The following NPHP3 variants were observed in gnomAD, a reference collection of about 807,000 sequenced individuals.
NPHP3 encodes nephrocystin-3.
A neutral mutation model predicts 171.9 loss-of-function variants in NPHP3; 123 were observed. The observed-to-expected ratio is 0.72, with a 90% confidence interval of 0.62 to 0.83. The LOEUF (loss-of-function observed/expected upper bound fraction) is 0.83, where lower values mean the gene tolerates loss of function less well. Among genes scored for constraint, NPHP3 ranks in the 40% least tolerant of loss-of-function variants. NPHP3 has a pLI of 0.00. For missense variants in NPHP3, 1,506 were observed against 1,591.9 expected, an observed-to-expected ratio of 0.95 and a Z score of 0.92; for synonymous variants, 558 against 579.2, an observed-to-expected ratio of 0.96 and a Z score of 0.52.
rs564400464 is a variant in NPHP3 at position 132,698,836 on chromosome 3, C to T, written c.1985+517G>A. Among the ~76,000 whole-genome samples the T allele has an allele frequency of 5.9e-5, 9 of 152,166 alleles. No individual in the cohort carries two copies. In the South Asian group the frequency reaches 1.9e-3, roughly 32 times the overall value. ...AATTAATTTCTCAAGTCAGAAACTC[C>T]AGAATCATCCTGGCTCTTTCTTTTC... On this transcript the variant is annotated intron_variant, in intron 13 of 26. Transcript: ENST00000337331.
chr3:132,703,507 G>A (rs1939668598), intron 9 of NPHP3, among the ~76,000 whole-genome samples: 1 of 150,868 alleles, frequency 6.6e-6, no homozygotes, highest in African/African-American at 2.4e-5. Flanking sequence ...TTTTCTGAAT[G>A]TAATATTTTG....
chr3:132,715,280 A>G, intron 4 of NPHP3, 62 bp from the exon 5 acceptor site: 2 of 1,439,620 alleles, frequency 1.4e-6, no homozygotes, highest in Non-Finnish European at 2.0e-6. Context: ...TCATTCTAAA[A>G]AAGTTTTAAA....
In NPHP3 at chr3:132,681,951, CTGT is replaced by C. The variant is rs1229208147; in HGVS notation, c.3949_3951del (p.Thr1317del). The C allele has an allele frequency of 3.7e-6, 6 of 1,613,992 alleles. No individual in the cohort carries two copies. In the African/African-American group the frequency reaches 8.0e-5, roughly 22 times the overall value. ...TGAAGGAAAACATTAGGAGAATGAG[CTGT>C]TTTTAAGCTAAACGTGTCTCCACTT... On this transcript the variant is annotated inframe_deletion, in exon 27 of 27. Coordinates refer to ENST00000337331, the MANE Select transcript of NPHP3 (RefSeq NM_153240.5).
At chr3:132,710,346 TA>T (rs78357959) in intron 6 of NPHP3, among the ~76,000 whole-genome samples, 1,735 of 127,124 alleles carry the variant, frequency 0.014, 17 homozygotes, top group African/African-American at 0.031. Flanking sequence ...GGTGATCTGG[TA>T]AAAAAAAAAA....
At chr3:132,695,632 C>T (rs148748360) in intron 15 of NPHP3, among the ~76,000 whole-genome samples, 1 of 152,172 alleles carries the variant, frequency 6.6e-6, no homozygotes, top group East Asian at 1.9e-4. Flanking sequence ...TGGAAAAGGA[C>T]AGTGGAAATA....
chr3:132,700,114 T>C, intron 11 of NPHP3, 53 bp from the exon 12 acceptor site: 12 of 1,591,330 alleles, frequency 7.5e-6, no homozygotes, highest in South Asian at 1.1e-5. Flanking sequence ...GTTACTGAAG[T>C]AGTTACAGAG....
At chr3:132,696,055 G>A (rs1939444928) in intron 15 of NPHP3, among the ~76,000 whole-genome samples, 1 of 152,094 alleles carries the variant, frequency 6.6e-6, no homozygotes, top group African/African-American at 2.4e-5. Flanking sequence ...ACTAGATTCG[G>A]TGTCTGGAAA....
rs1277778591 is a variant in NPHP3, at chr3:132,697,350, T to C, written c.1998A>G (p.Thr666=). 3.1e-6 allele frequency: 5 copies of C among 1,607,940 alleles called. No individual in the cohort carries two copies. The African/African-American group carries it at 6.7e-5, about 21-fold the overall frequency. ...TTGGACTTAAGGGATCAAGATGAAG[T>C]GTAGGCCACAACCTTTTATGTAAAG... ...TCPPAWRLWP[T]LHLDPLSPKD... The change falls in exon 14 of 27, where the codon ACA becomes ACG. Residue 666 remains threonine, a synonymous_variant. Coordinates refer to ENST00000337331, the MANE Select transcript of NPHP3 (RefSeq NM_153240.5).
intron 1 of NPHP3, among the ~76,000 whole-genome samples, chr3:132,721,154 G>T (rs1187786175): frequency 6.6e-6 from 1 of 152,164 alleles, no homozygotes; most frequent in African/African-American, 2.4e-5. Context: ...CTGACCTCAG[G>T]TGATCCGTCC....
At position 132,701,460 on chromosome 3, in the gene NPHP3, C is replaced by T; in HGVS notation, c.1598G>A (p.Gly533Asp). 2.5e-6 allele frequency: 4 copies of T among 1,613,406 alleles called. No homozygotes were observed. Among genetic ancestry groups the T allele is most frequent in the Non-Finnish European group, 2.5e-6 (3 of 1,179,424 alleles). ...IPPLLVSGGP[G>D]SGKSLLLSKW... ...TGATAAAAGAAGAGACTTCCCAGAA[C>T]CTGGTCCTCCAGACACGAGAAGAGG... Residue 533 changes from glycine (G) to aspartate (D), a missense_variant, in exon 10 of 27, where the codon GGT (glycine) becomes GAT (aspartate). Gly to Asp is a moderately conservative substitution (Grantham distance 94). Coordinates refer to ENST00000337331, the MANE Select transcript of NPHP3 (RefSeq NM_153240.5).
intron 18 of NPHP3, 145 bp from the exon 19 acceptor site, chr3:132,690,795 C>T: frequency 1.2e-6 from 1 of 810,100 alleles, no homozygotes; most frequent in South Asian, 1.8e-5. Flanking sequence ...AAAGTTAGGT[C>T]AAAATCAGAG....
Position 132,681,730 on chromosome 3 carries a change from A to G in NPHP3, c.*180T>C. 1.6e-6 allele frequency: 1 copy of G among 639,134 alleles called. No homozygotes were observed. Among genetic ancestry groups the G allele is most frequent in the Middle Eastern group, 4.3e-4 (1 of 2,344 alleles). The allele number at this position is 639,134 out of a possible 1,614,324, so 39.6% of individuals were successfully genotyped here. ...AATAGGAAAATTCTTTTAAACAACT[A>G]AAACAGACATAATCACAATTCCAAC... On this transcript the variant is annotated 3_prime_UTR_variant, in exon 27 of 27. Transcript: ENST00000337331.
At position 132,719,082 on chromosome 3, in the gene NPHP3, C is replaced by G. The variant is rs1313093347; in HGVS notation, c.582G>C (p.Glu194Asp). ...QDLLRAKREL[E>D]SKLQRLQAQG... ...GAGCCTGTAGCCTCTGAAGTTTGCT[C>G]TCCAACTCCCTCTTGGCCCTCAGTA... The change falls in exon 3 of 27, where the codon GAG becomes GAC. Residue 194 changes from glutamate to aspartate, a missense_variant. Glu to Asp is a conservative substitution (Grantham distance 45). Around this residue, in one of 3 missense-constraint regions of NPHP3, gnomAD observed 930 missense variants for 924.9 expected, o/e 1.01. Transcript: ENST00000337331. 1.2e-6 allele frequency: 2 copies of G among 1,613,978 alleles called. No individual in the cohort carries two copies. Among genetic ancestry groups the G allele is most frequent in the Non-Finnish European group, 1.7e-6 (2 of 1,179,862 alleles).
At chr3:132,694,715 C>T (rs1939400019) in intron 16 of NPHP3, 112 bp downstream of exon 16, 1 of 1,192,074 alleles carries the variant, frequency 8.4e-7, no homozygotes, top group Non-Finnish European at 1.2e-6. Flanking sequence ...AGCATTCCTG[C>T]ATATGCCTGA....
chr3:132,700,097 A>G (rs774447985), intron 11 of NPHP3, 36 bp from the exon 12 acceptor site: 82 of 1,609,954 alleles, frequency 5.1e-5, no homozygotes, highest in Non-Finnish European at 6.7e-5. Context: ...TGAAGTAGTT[A>G]CACGTAGTTA....
chr3:132,706,625 T>C (rs1939762728), intron 7 of NPHP3, among the ~76,000 whole-genome samples: 1 of 152,044 alleles, frequency 6.6e-6, no homozygotes. Context: ...TTTGATACAA[T>C]TAGAATAAGG....
At position 132,696,747 on chromosome 3, in the gene NPHP3, C is replaced by A; in HGVS notation, c.2155G>T (p.Gly719Cys). ...TCNALYVTLF[G>C]KMIARAGRAG... The stretch of plus-strand genomic sequence containing the variant: ...ACCACTCACCGCGCGATCATTTTGC[C>A]GAAAAGGGTGACATAAAGGGCATTG... The change falls in exon 15 of 27, where the codon GGC (glycine) becomes TGC (cysteine). Residue 719 changes from glycine to cysteine, a missense_variant. This residue lies in a region of NPHP3 where 930 missense variants were observed against 924.9 expected (regional missense o/e 1.01). Transcript: ENST00000337331. 1 of 1,613,986 alleles carries A rather than the reference C, an allele frequency of 6.2e-7. No individual in the cohort carries two copies. Among genetic ancestry groups the A allele is most frequent in the South Asian group, 1.1e-5 (1 of 91,060 alleles).
chr3:132,699,203 A>AT (rs762354541), intron 13 of NPHP3, 150 bp downstream of exon 13: 866 of 620,918 alleles, frequency 1.4e-3, no homozygotes, highest in East Asian at 1.6e-3. Context: ...TATAGATTGT[A>AT]TTTTTTTTTC....
rs1192083366 is a variant in NPHP3 at position 132,722,329 on chromosome 3, G to A, written c.27C>T (p.Ser9=). The change falls in exon 1 of 27, where the codon AGC becomes AGT. Residue 9 remains serine (S), a synonymous_variant. Transcript: ENST00000337331. MGTASSLV[S]PAGGEVIEDT... ...CCTCGATCACTTCCCCGCCCGCGGG[G>A]CTCACGAGCGACGAGGCGGTCCCCA... 2 of 1,579,014 alleles carry A rather than the reference G, an allele frequency of 1.3e-6. No individual in the cohort carries two copies. The highest frequency in any genetic ancestry group is 2.3e-5 in the South Asian group (2 of 88,868).
Sources: allele counts gnomAD v4.1 joint callset (sites outside exome capture counted in the v4.1 genomes callset), GRCh38; gene constraint gnomAD v4.1.1; regional missense constraint gnomAD v4.1.1; transcripts MANE v1.5; gene names NCBI Gene and HGNC (gene_info 2026-07-23, HGNC 2026-07-21).